The following TMEM236 variants were observed in gnomAD, a reference collection of about 807,000 sequenced individuals.
TMEM236 encodes transmembrane protein 236.
Under a neutral mutation model 14.7 loss-of-function variants are expected in TMEM236, and 11 were observed. The ratio of observed to expected loss-of-function variants is 0.75; its 90% CI spans 0.47 to 1.24. TMEM236 has a LOEUF of 1.24. TMEM236 is among the 50% of genes most tolerant of loss of function. The pLI, the probability that TMEM236 is intolerant of heterozygous loss-of-function variation, is 0.00. For synonymous variants in TMEM236, 182 were observed against 168.6 expected, an observed-to-expected ratio of 1.08 and a Z score of -0.62; for missense variants, 464 against 427.3, an observed-to-expected ratio of 1.09 and a Z score of -0.76.
chr10:17,763,015 T>G (rs1554834121), intron 1 of TMEM236, among the ~76,000 whole-genome samples: 14 of 152,164 alleles, frequency 9.2e-5, no homozygotes. Flanking sequence ...TACAAGCCTT[T>G]GTGCTCAGGT....
chr10:17,798,535 C>T lies in TMEM236; in HGVS notation c.*2031C>T, dbSNP rs1838050596. On this transcript the variant is annotated 3_prime_UTR_variant, in exon 4 of 4. Coordinates refer to ENST00000377495, the MANE Select transcript of TMEM236 (RefSeq NM_001098844.3). ...GACTGGGCAACAGAGTGACACCCAT[C>T]TAAAAAAAATAAAAGAGAATTTGAC... 3 of 533,926 alleles carry T rather than the reference C, an allele frequency of 5.6e-6. No individual in the cohort carries two copies. The highest frequency in any genetic ancestry group is 3.9e-5 in the African/African-American group (2 of 51,838). 33.1% of individuals were successfully genotyped at this position (533,926 alleles called of 1,614,324 possible).
intron 3 of TMEM236, among the ~76,000 whole-genome samples, chr10:17,791,802 C>G (rs1050331020): frequency 6.6e-6 from 1 of 152,186 alleles, no homozygotes; most frequent in Non-Finnish European, 1.5e-5. Flanking sequence ...TTGATTATCT[C>G]TCATCACAGA....
chr10:17,752,915 C>G (rs967650347), intron 1 of TMEM236, among the ~76,000 whole-genome samples: 2 of 151,658 alleles, frequency 1.3e-5, no homozygotes. Flanking sequence ...GTCAAAGATA[C>G]GTTTGTTTGT....
intron 3 of TMEM236, among the ~76,000 whole-genome samples, chr10:17,786,277 A>G (rs1412471860): frequency 6.6e-6 from 1 of 152,236 alleles, no homozygotes; most frequent in African/African-American, 2.4e-5. Flanking sequence ...CATTAAAGGC[A>G]TAGGTCACTG....
intron 3 of TMEM236, among the ~76,000 whole-genome samples, chr10:17,783,654 G>T (rs1837790264): frequency 6.6e-6 from 1 of 152,134 alleles, no homozygotes; most frequent in African/African-American, 2.4e-5. Context: ...AGCTTTTAAG[G>T]TTTTTGATAT....
chr10:17,757,418 T>C (rs1335592529), intron 1 of TMEM236, among the ~76,000 whole-genome samples: 2 of 151,866 alleles, frequency 1.3e-5, no homozygotes, highest in Admixed American at 6.6e-5. Flanking sequence ...GGCAACGTAG[T>C]GAGACCCTGT....
intron 3 of TMEM236, among the ~76,000 whole-genome samples, chr10:17,789,202 G>A (rs987456744): frequency 8.1e-4 from 124 of 152,262 alleles, no homozygotes; most frequent in African/African-American, 2.7e-3. Context: ...TTTGTGATGT[G>A]AACAGGCAAA....
intron 1 of TMEM236, among the ~76,000 whole-genome samples, chr10:17,764,837 C>CTTTTTTTTTTTTTT (rs1238545582): frequency 7.8e-5 from 10 of 127,418 alleles, no homozygotes; most frequent in Non-Finnish European, 8.1e-5. Flanking sequence ...CAGATTTTCC[C>CTTTTTTTTTTTTTT]TTTTTTTTTT....
At chr10:17,761,990 C>G (rs919009022) in intron 1 of TMEM236, among the ~76,000 whole-genome samples, 1 of 152,074 alleles carries the variant, frequency 6.6e-6, no homozygotes, top group African/African-American at 2.4e-5. Context: ...TAGACTTCAC[C>G]TCCTCTGCCC....
chr10:17,795,971 G>C lies in TMEM236; in HGVS notation c.523G>C (p.Val175Leu). Residue 175 changes from valine to leucine, a missense_variant, in exon 4 of 4, where the codon GTG becomes CTG. Transcript: ENST00000377495. Reference protein sequence around the residue: ...HSTSLQHIKTVTEQVRQSPEN... With the variant: ...HSTSLQHIKTLTEQVRQSPEN... ...AACCTCTTTGCAACACATAAAAACT[G>C]TGACGGAGCAAGTGAGGCAAAGTCC... 6.2e-7 allele frequency: 1 copy of C among 1,613,892 alleles called. No individual in the cohort carries two copies. Among genetic ancestry groups the C allele is most frequent in the Non-Finnish European group, 8.5e-7 (1 of 1,179,858 alleles).
chr10:17,768,290 G>A (rs1837508335), intron 1 of TMEM236, among the ~76,000 whole-genome samples: 2 of 151,720 alleles, frequency 1.3e-5, no homozygotes. Flanking sequence ...TTGTTATGAG[G>A]TTAATGAAAG....
chr10:17,784,540 T>C (rs1837803665), intron 3 of TMEM236, among the ~76,000 whole-genome samples: 1 of 152,216 alleles, frequency 6.6e-6, no homozygotes, highest in African/African-American at 2.4e-5. Context: ...CTTCTCATCC[T>C]TGGCTGTACA....
intron 1 of TMEM236, among the ~76,000 whole-genome samples, chr10:17,763,296 T>TA (rs1276532944): frequency 2.0e-5 from 3 of 150,708 alleles, no homozygotes; most frequent in Admixed American, 6.6e-5. Flanking sequence ...TACAGGACGT[T>TA]AAAAAAAAAG....
chr10:17,781,785 C>T (rs909797262), intron 3 of TMEM236, among the ~76,000 whole-genome samples: 16 of 147,130 alleles, frequency 1.1e-4, no homozygotes, highest in Non-Finnish European at 1.8e-4. Context: ...AATTTGCATG[C>T]GTGTGTGTGT....
At position 17,759,251 on chromosome 10, in the gene TMEM236, T is replaced by C. The variant is rs912173077; in HGVS notation, c.257+6699T>C. Among the ~76,000 whole-genome samples the C allele has an allele frequency of 5.7e-3, 874 of 152,308 alleles. 5 individuals carry two copies. Among genetic ancestry groups the C allele is most frequent in the African/African-American group, 0.02 (829 of 41,580 alleles). ...GAATATCAGTAGATGTGTGATAACA[T>C]TGAGCTACAAGGCTAGCCTGAAACT... On this transcript the variant is annotated intron_variant, in intron 1 of 3. Transcript: ENST00000377495.
chr10:17,765,047 C>G (rs1485439447), intron 1 of TMEM236, among the ~76,000 whole-genome samples: 2 of 151,898 alleles, frequency 1.3e-5, no homozygotes, highest in East Asian at 1.9e-4. Flanking sequence ...GTCTTGATCT[C>G]TGGACCTTGT....
At position 17,768,427 on chromosome 10, in the gene TMEM236, A is replaced by G. The variant is rs942845593; in HGVS notation, c.258-2882A>G. Among the ~76,000 whole-genome samples the G allele has an allele frequency of 1.1e-4, 17 of 152,120 alleles. 1 individual carries two copies. Among genetic ancestry groups the G allele is most frequent in the Admixed American group, 6.6e-5 (1 of 15,266 alleles). On this transcript the variant is annotated intron_variant, in intron 1 of 3. Coordinates refer to ENST00000377495, the MANE Select transcript of TMEM236 (RefSeq NM_001098844.3). ...AAAAAAGACTTTAGGTAATTTTTAA[A>G]ATTTGGATAATTTCAATATAATTGA...
At chr10:17,764,969 G>A (rs961530345) in intron 1 of TMEM236, among the ~76,000 whole-genome samples, 141 of 151,118 alleles carry the variant, frequency 9.3e-4, no homozygotes, top group African/African-American at 2.3e-3. Context: ...CTACAGGCGC[G>A]CACTACCATG....
chr10:17,752,735 T>G (rs1444195791), intron 1 of TMEM236, among the ~76,000 whole-genome samples, 183 bp downstream of exon 1: 1 of 151,946 alleles, frequency 6.6e-6, no homozygotes, highest in Non-Finnish European at 1.5e-5. Context: ...CCTGGCTTAT[T>G]TTTGCATTTT....
Sources: allele counts gnomAD v4.1 joint callset (sites outside exome capture counted in the v4.1 genomes callset), GRCh38; gene constraint gnomAD v4.1.1; transcripts MANE v1.5; gene names NCBI Gene and HGNC (gene_info 2026-07-23, HGNC 2026-07-21).